The following MARCHF10 variants were observed in gnomAD, a reference collection of about 807,000 sequenced individuals.
The protein encoded by MARCHF10 is membrane associated ring-CH-type finger 10, also known as probable E3 ubiquitin-protein ligase MARCHF10.
Under a neutral mutation model 76.2 loss-of-function variants are expected in MARCHF10, and 64 were observed. That is an observed-to-expected ratio of 0.84 (90% confidence interval 0.69 to 1.03). The LOEUF is 1.03. Ranked by LOEUF, MARCHF10 falls within the 50% of genes least tolerant of loss-of-function variation. The pLI is 0.00. For synonymous variants in MARCHF10, 340 were observed against 357.5 expected (o/e 0.95, Z 0.55); for missense variants, 875 against 958.0 (o/e 0.91, Z 1.14).
rs147687464 is a variant in MARCHF10 at position 62,802,276 on chromosome 17, A to G, written c.-17-524T>C. On this transcript the variant is annotated intron_variant, in intron 1 of 10. Transcript: ENST00000311269. ...GCATTTGTTGCTCAGGCTGGAGTGC[A>G]ATGGCCAGTCTCAGCTCACTGCAAC... Among the ~76,000 whole-genome samples the G allele has an allele frequency of 6.4e-3, 966 of 152,094 alleles. 5 individuals carry two copies. Among genetic ancestry groups the G allele is most frequent in the Middle Eastern group, 0.024 (7 of 294 alleles).
At chr17:62,758,806 C>T (rs953241500) in intron 4 of MARCHF10, among the ~76,000 whole-genome samples, 5 of 152,174 alleles carry the variant, frequency 3.3e-5, no homozygotes, top group African/African-American at 1.2e-4. Flanking sequence ...ACACTGTTGA[C>T]GAATTCTTCA....
At chr17:62,769,576 G>A (rs2092403054) in intron 3 of MARCHF10, among the ~76,000 whole-genome samples, 1 of 152,008 alleles carries the variant, frequency 6.6e-6, no homozygotes, top group African/African-American at 2.4e-5. Flanking sequence ...AACATGCCTG[G>A]CTAATTTTTG....
At position 62,738,242 on chromosome 17, in the gene MARCHF10, C is replaced by G. The variant is rs2091371752; in HGVS notation, c.536-910G>C. On this transcript the variant is annotated intron_variant, in intron 5 of 10. Coordinates refer to ENST00000311269, the MANE Select transcript of MARCHF10 (RefSeq NM_152598.4). The surrounding 1 kb of genome is among the most constrained non-coding windows in gnomAD (Gnocchi z 4.0). ...ATGGAATGAACATTTGAACCCACGC[C>G]TGCTCGATACTAGGGTTTGTGTTCT... Among the ~76,000 whole-genome samples, 1 of 152,204 alleles carries G rather than the reference C, an allele frequency of 6.6e-6. No homozygotes were observed. Among genetic ancestry groups the G allele is most frequent in the Non-Finnish European group, 1.5e-5 (1 of 68,026 alleles).
At chr17:62,732,182 G>A (rs2091051887) in intron 6 of MARCHF10, among the ~76,000 whole-genome samples, 1 of 152,128 alleles carries the variant, frequency 6.6e-6, no homozygotes, top group Admixed American at 6.6e-5. Flanking sequence ...CAAAGAAAAA[G>A]TCAATATCGC....
At chr17:62,749,776 C>A (rs1157492386) in intron 4 of MARCHF10, among the ~76,000 whole-genome samples, 1 of 152,188 alleles carries the variant, frequency 6.6e-6, no homozygotes, top group Non-Finnish European at 1.5e-5. Flanking sequence ...GTCCCTCCTC[C>A]GAGTGGTTCT....
At chr17:62,782,343 T>G (rs1470876754) in intron 3 of MARCHF10, among the ~76,000 whole-genome samples, 2 of 116,342 alleles carry the variant, frequency 1.7e-5, no homozygotes, top group Non-Finnish European at 3.3e-5. Context: ...CAAACAACTG[T>G]TCTTTTTTTT....
chr17:62,733,794 G>A (rs2091139186), intron 6 of MARCHF10, among the ~76,000 whole-genome samples: 1 of 152,200 alleles, frequency 6.6e-6, no homozygotes, highest in Admixed American at 6.5e-5. Flanking sequence ...ATCTCACTAA[G>A]GATGTAAGAG....
chr17:62,756,873 G>A (rs970885087), intron 4 of MARCHF10, among the ~76,000 whole-genome samples: 9 of 152,180 alleles, frequency 5.9e-5, no homozygotes, highest in Admixed American at 2.6e-4. Flanking sequence ...ACCACCACAA[G>A]TCACTCATCC....
chr17:62,722,799 T>C (rs566574392), intron 7 of MARCHF10, among the ~76,000 whole-genome samples: 4 of 152,312 alleles, frequency 2.6e-5, no homozygotes, highest in African/African-American at 9.6e-5. Flanking sequence ...TCATCTATTA[T>C]GCAAGCTTCA....
intron 4 of MARCHF10, among the ~76,000 whole-genome samples, chr17:62,753,271 T>C (rs2091949693): frequency 6.6e-6 from 1 of 152,106 alleles, no homozygotes; most frequent in South Asian, 2.1e-4. Context: ...TACATCTGGC[T>C]AATTTTTGTA....
chr17:62,772,586 G>A (rs374269749), intron 3 of MARCHF10, among the ~76,000 whole-genome samples: 28 of 152,254 alleles, frequency 1.8e-4, no homozygotes, highest in African/African-American at 6.0e-4. Flanking sequence ...GGGGATCAAA[G>A]TGAGGTTTGG....
chr17:62,797,949 G>A (rs568518145), intron 2 of MARCHF10, among the ~76,000 whole-genome samples: 1 of 152,170 alleles, frequency 6.6e-6, no homozygotes, highest in Non-Finnish European at 1.5e-5. Flanking sequence ...GGATGGGGAT[G>A]AGGAGGGAGA....
intron 3 of MARCHF10, among the ~76,000 whole-genome samples, chr17:62,779,461 G>A (rs958748220): frequency 2.0e-5 from 3 of 152,190 alleles, no homozygotes; most frequent in African/African-American, 7.2e-5. Context: ...CCCAAGAGCC[G>A]TTTGAAAGTG....
chr17:62,719,257 A>C (rs1166526488), intron 8 of MARCHF10, among the ~76,000 whole-genome samples: 3 of 152,270 alleles, frequency 2.0e-5, no homozygotes, highest in Non-Finnish European at 4.4e-5. Flanking sequence ...TAATTTTAAC[A>C]ATATAATTTA....
At chr17:62,708,465 C>T (rs562381768) in intron 9 of MARCHF10, among the ~76,000 whole-genome samples, 11 of 152,058 alleles carry the variant, frequency 7.2e-5, no homozygotes, top group African/African-American at 1.9e-4. Context: ...AGGATGGTCT[C>T]GATCTCCTGA....
chr17:62,790,139 A>G (rs1333880586), intron 2 of MARCHF10, among the ~76,000 whole-genome samples: 1 of 152,180 alleles, frequency 6.6e-6, no homozygotes, highest in Non-Finnish European at 1.5e-5. Context: ...TGTACTATGG[A>G]AATTTCAACT....
chr17:62,770,658 A>G (rs2148009178), intron 3 of MARCHF10, among the ~76,000 whole-genome samples: 1 of 150,202 alleles, frequency 6.7e-6, no homozygotes, highest in Middle Eastern at 3.5e-3. Flanking sequence ...CTCATGCCTC[A>G]GCCTCCTGAG....
intron 1 of MARCHF10, chr17:62,806,607 G>C (rs1346061184): frequency 6.6e-6 from 1 of 152,168 alleles, no homozygotes; most frequent in Non-Finnish European, 1.5e-5. Context: ...AGGAAGGAGG[G>C]GGTCCTGCCT....
At chr17:62,803,215 G>C (rs939013346) in intron 1 of MARCHF10, among the ~76,000 whole-genome samples, 2 of 152,056 alleles carry the variant, frequency 1.3e-5, no homozygotes, top group African/African-American at 2.4e-5. Context: ...TTCAGCCCAG[G>C]AGTTAGAGGC....
Sources: allele counts gnomAD v4.1 joint callset (sites outside exome capture counted in the v4.1 genomes callset), GRCh38; gene constraint gnomAD v4.1.1; non-coding constraint Gnocchi (gnomAD v3.1); transcripts MANE v1.5; gene names NCBI Gene and HGNC (gene_info 2026-07-23, HGNC 2026-07-21).